The following GALNT9 variants were observed in gnomAD, a reference collection of about 807,000 sequenced individuals.
GALNT9 encodes the protein GalNAc transferase 9.
GALNT9 carries 47 observed loss-of-function variants against 63.1 expected under a neutral mutation model. The observed-to-expected ratio is 0.75, with a 90% CI of 0.59 to 0.95. The LOEUF is 0.95. GALNT9 is among the 40% of genes least tolerant of loss of function. GALNT9 has a pLI of 0.00. For synonymous variants in GALNT9, 396 were observed against 365.7 expected (o/e 1.08, Z -0.94); for missense variants, 829 against 874.8 (o/e 0.95, Z 0.66).
intron 10 of GALNT9, 135 bp from the exon 11 acceptor site, chr12:132,197,388 C>T (rs1875590410): frequency 7.7e-7 from 1 of 1,299,390 alleles, no homozygotes; most frequent in African/African-American, 1.5e-5. Flanking sequence ...GCCAGCATCA[C>T]AGCAGCACCC....
In GALNT9 at chr12:132,235,446, G is replaced by C. The variant is rs942248719; in HGVS notation, c.1077+12464C>G. Among the ~76,000 whole-genome samples the C allele has an allele frequency of 9.2e-5, 14 of 152,216 alleles. No homozygotes were observed. The South Asian group carries it at 2.5e-3, about 27-fold the overall frequency. The stretch of plus-strand genomic sequence containing the variant: ...GAGAGAGCAGAGGGAGAGAGTGTTG[G>C]GGGGCACCGGCTGCGGGAACTGGAG... On this transcript the variant is annotated intron_variant, in intron 6 of 10. Transcript: ENST00000328957.
chr12:132,240,399 C>A (rs1255681087), intron 6 of GALNT9: 3 of 352,768 alleles, frequency 8.5e-6, no homozygotes, highest in Non-Finnish European at 1.7e-5. Flanking sequence ...TGAAAGGGAC[C>A]CTTTGGCTTC....
At chr12:132,264,877 G>C (rs781833283) in intron 2 of GALNT9, among the ~76,000 whole-genome samples, 2 of 152,264 alleles carry the variant, frequency 1.3e-5, no homozygotes, top group South Asian at 2.1e-4. Context: ...GCCAGGGTCC[G>C]ATCCAGGTTC....
chr12:132,329,084 G>C lies in GALNT9; in HGVS notation c.120C>G (p.Ile40Met), dbSNP rs1050238049. Reference protein sequence around the residue: ...LQGRSQELVRIVSGDRRVRSR... With the variant: ...LQGRSQELVRMVSGDRRVRSR... ...TGCGCACCCGGCGGTCGCCGCTCAC[G>C]ATGCGCACGAGCTCCTGGGAGCGGC... The change falls in exon 1 of 11, where the codon ATC becomes ATG. Residue 40 changes from isoleucine to methionine, a missense_variant. Transcript: ENST00000328957. 2 of 1,548,374 alleles carry C rather than the reference G, an allele frequency of 1.3e-6. No individual in the cohort carries two copies. Among genetic ancestry groups the C allele is most frequent in the South Asian group, 1.2e-5 (1 of 84,002 alleles).
At chr12:132,247,041 T>C (rs1382363418) in intron 6 of GALNT9, among the ~76,000 whole-genome samples, 2 of 152,178 alleles carry the variant, frequency 1.3e-5, no homozygotes, top group East Asian at 3.9e-4. Flanking sequence ...AGAAGCCCCA[T>C]GGGCAAAACA....
intron 7 of GALNT9, among the ~76,000 whole-genome samples, chr12:132,202,526 G>A (rs1876236169): frequency 6.6e-6 from 1 of 152,184 alleles, no homozygotes; most frequent in African/African-American, 2.4e-5. Flanking sequence ...GGCTGTGGTG[G>A]GAAGTTTTAA....
At chr12:132,295,038 C>A (rs1881001620) in intron 1 of GALNT9, among the ~76,000 whole-genome samples, 1 of 152,216 alleles carries the variant, frequency 6.6e-6, no homozygotes, top group Non-Finnish European at 1.5e-5. Flanking sequence ...CTGCAGGGCT[C>A]AAGACCAAAT....
intron 1 of GALNT9, among the ~76,000 whole-genome samples, chr12:132,313,432 CCCATCCATCCAT>C (rs1162230854): frequency 6.8e-6 from 1 of 146,372 alleles, no homozygotes; most frequent in Non-Finnish European, 1.5e-5. Flanking sequence ...TACCCACCTA[CCCATCCATCCAT>C]CCATCCATCC....
intron 2 of GALNT9, among the ~76,000 whole-genome samples, chr12:132,269,162 A>G (rs1352084729): frequency 6.6e-6 from 1 of 152,192 alleles, no homozygotes; most frequent in Non-Finnish European, 1.5e-5. Flanking sequence ...GCAGCCAGGG[A>G]GGACCCAGGG....
chr12:132,239,207 G>C (rs1314606343), intron 6 of GALNT9, among the ~76,000 whole-genome samples: 2 of 151,914 alleles, frequency 1.3e-5, no homozygotes, highest in African/African-American at 2.4e-5. Context: ...GGCAGAGAGA[G>C]AGACAGAGAG....
At chr12:132,201,567 A>T (rs1876120164) in intron 7 of GALNT9, among the ~76,000 whole-genome samples, 1 of 152,100 alleles carries the variant, frequency 6.6e-6, no homozygotes, top group Non-Finnish European at 1.5e-5. Flanking sequence ...GCCTGAGAAG[A>T]CGGCCCTGCT....
intron 1 of GALNT9, among the ~76,000 whole-genome samples, chr12:132,322,675 C>A (rs1593126552): frequency 6.6e-6 from 1 of 152,200 alleles, no homozygotes; most frequent in Non-Finnish European, 1.5e-5. Context: ...GGGGGGTTTG[C>A]AGGCTCTGCG....
chr12:132,258,800 G>C (rs1225281654), intron 4 of GALNT9, among the ~76,000 whole-genome samples: 2 of 152,224 alleles, frequency 1.3e-5, no homozygotes, highest in Non-Finnish European at 2.9e-5. Flanking sequence ...CTCGCCCTTG[G>C]AGACGCCATG....
At chr12:132,275,710 T>C (rs1880056784) in intron 2 of GALNT9, 1 of 152,424 alleles carries the variant, frequency 6.6e-6, no homozygotes, top group East Asian at 1.9e-4. Flanking sequence ...ACCCACATAA[T>C]GCAAGTCTGT....
chr12:132,300,238 A>T lies in GALNT9; in HGVS notation c.239-13808T>A, dbSNP rs953172590. Among the ~76,000 whole-genome samples the T allele has an allele frequency of 1.3e-4, 19 of 147,388 alleles. 1 individual carries two copies. The highest frequency in any genetic ancestry group is 1.0e-3 in the Admixed American group (15 of 14,716). ...CTGAGATAACCAAGCCACTGCTGAG[A>T]TAACCCACTCCCATGATAACTAACC... is the stretch of plus-strand genomic sequence containing the variant. On this transcript the variant is annotated intron_variant, in intron 1 of 10. Transcript: ENST00000328957.
chr12:132,325,184 C>T (rs782599335), intron 1 of GALNT9, among the ~76,000 whole-genome samples: 26 of 152,256 alleles, frequency 1.7e-4, no homozygotes, highest in Non-Finnish European at 2.6e-4. Flanking sequence ...GCTGTTCCCA[C>T]GGCACTCAGT....
chr12:132,262,362 T>C, intron 3 of GALNT9, 97 bp downstream of exon 3: 1 of 1,433,948 alleles, frequency 7.0e-7, no homozygotes, highest in South Asian at 1.4e-5. Flanking sequence ...GGTGCAGTCC[T>C]CTGTCGCTCT....
rs1303189270 is a variant in GALNT9 at position 132,201,218 on chromosome 12, A to T, written c.1307T>A (p.Leu436Gln). 5 of 1,613,418 alleles carry T rather than the reference A, an allele frequency of 3.1e-6. No homozygotes were observed. Among genetic ancestry groups the T allele is most frequent in the Non-Finnish European group, 4.2e-6 (5 of 1,179,528 alleles). ...DFGDVSERLA[L>Q]RQRLKCRSFK... ...GCTGCGACACTTCAGCCTCTGACGC[A>T]GGGCCAGCCTCTCAGACACGTCCCC... is the stretch of plus-strand genomic sequence containing the variant. The change falls in exon 8 of 11, where the codon CTG becomes CAG. Residue 436 changes from leucine (L) to glutamine (Q), a missense_variant. Physicochemically the swap from Leu to Gln is moderately radical, Grantham distance 113. Transcript: ENST00000328957.
rs114971933 is a variant in GALNT9 at position 132,196,463 on chromosome 12, G to A, written c.*644C>T. ...AGGTGCCTGGGAAAGAGGTGGGACC[G>A]GGCCCCAACCCCCAGCTCGGCTCCC... On this transcript the variant is annotated 3_prime_UTR_variant, in exon 11 of 11. Transcript: ENST00000328957. 1,822 of 985,488 alleles carry A rather than the reference G, an allele frequency of 1.8e-3. 23 individuals are homozygous for A. In the African/African-American group the frequency reaches 0.027, roughly 15 times the overall value. 61.0% of individuals were successfully genotyped at this position (985,488 alleles called of 1,614,324 possible).
Sources: allele counts gnomAD v4.1 joint callset (sites outside exome capture counted in the v4.1 genomes callset), GRCh38; gene constraint gnomAD v4.1.1; transcripts MANE v1.5; gene names NCBI Gene and HGNC (gene_info 2026-07-23, HGNC 2026-07-21).